Variants in AEBP2 observed in about 807,000 individuals in gnomAD.
AEBP2 encodes AE binding protein 2, also known as zinc finger protein AEBP2.
A neutral mutation model predicts 50.8 loss-of-function variants in AEBP2; 10 were observed. That is an observed-to-expected ratio of 0.20 (90% CI 0.12 to 0.33). The LOEUF (loss-of-function observed/expected upper bound fraction) is 0.33. Ranked by LOEUF, AEBP2 falls within the 10% of genes least tolerant of loss-of-function variation. The pLI is 1.00. For synonymous variants in AEBP2, 296 were observed against 261.3 expected, an observed-to-expected ratio of 1.13 and a Z score of -1.28; for missense variants, 570 against 688.0, an observed-to-expected ratio of 0.83 and a Z score of 1.92.
intron 3 of AEBP2, among the ~76,000 whole-genome samples, chr12:19,487,589 G>T (rs1381343769): frequency 6.6e-6 from 1 of 152,090 alleles, no homozygotes; most frequent in African/African-American, 2.4e-5. Flanking sequence ...GTGGTGGCAT[G>T]CACCTGTAAT....
Position 19,440,583 on chromosome 12 carries a change from C to T in AEBP2, c.671+213C>T, listed in dbSNP as rs1180536865. 5.5e-6 allele frequency: 8 copies of T among 1,445,764 alleles called. No individual in the cohort carries two copies. The East Asian group carries it at 2.1e-4, about 37-fold the overall frequency. 89.6% of individuals were successfully genotyped at this position (1,445,764 alleles called of 1,614,324 possible). A position where few individuals can be genotyped will look rare whatever the true frequency, so the allele number is the denominator to read the frequency against. On this transcript the variant is annotated intron_variant, in intron 1 of 7. Coordinates refer to ENST00000266508, the MANE Select transcript of AEBP2 (RefSeq NM_153207.5). ...CAACTCTCAAACCGTTCCCCCCCAA[C>T]TCTCCTTTCCCCGCCCTCTTTCCCC... is the stretch of plus-strand genomic sequence containing the variant.
chr12:19,522,110 T>G lies in AEBP2; in HGVS notation c.*3993T>G, dbSNP rs1949406644. The G allele has an allele frequency of 1.3e-5, 2 of 152,230 alleles. No individual in the cohort carries two copies. Among genetic ancestry groups the G allele is most frequent in the South Asian group, 4.1e-4 (2 of 4,826 alleles). The allele number at this position is 152,230 out of a possible 1,614,324, so 9.4% of individuals were successfully genotyped here. ...AAGTGGACATTTTGGGGATTTTGGTTAAAACATATTTCTCTATTCTAAAAA... is the reference window on the plus strand; with the variant it reads ...AAGTGGACATTTTGGGGATTTTGGTGAAAACATATTTCTCTATTCTAAAAA... On this transcript the variant is annotated 3_prime_UTR_variant, in exon 8 of 8. Coordinates refer to ENST00000266508, the MANE Select transcript of AEBP2 (RefSeq NM_153207.5).
intron 5 of AEBP2, among the ~76,000 whole-genome samples, chr12:19,501,803 T>TTTTTG (rs1949084842): frequency 1.4e-5 from 2 of 144,042 alleles, no homozygotes; most frequent in African/African-American, 2.5e-5. Flanking sequence ...GTTTGTTTTT[T>TTTTTG]TTTTTTTTTT....
intron 2 of AEBP2, among the ~76,000 whole-genome samples, chr12:19,470,308 C>T (rs1358562888): frequency 1.3e-5 from 2 of 152,112 alleles, no homozygotes; most frequent in South Asian, 2.1e-4. Context: ...CAGGCATGTG[C>T]CACCACACTC....
intron 5 of AEBP2, among the ~76,000 whole-genome samples, chr12:19,506,345 T>C (rs1465501016): frequency 6.6e-6 from 1 of 151,792 alleles, no homozygotes; most frequent in Non-Finnish European, 1.5e-5. Flanking sequence ...AGTGATCCAC[T>C]CACCTTGGCC....
rs57671944 is a variant in AEBP2 at position 19,518,238 on chromosome 12, T to TA, written c.*124dup. On this transcript the variant is annotated 3_prime_UTR_variant, in exon 8 of 8. Transcript: ENST00000266508. Reference sequence around the variant, plus strand: ...CCCTTCTTTTTTTTTTTTTTTTTTTTAAATCCAGTATTTAGGATAATATTT... The same window carrying TA: ...CCCTTCTTTTTTTTTTTTTTTTTTTTAAAATCCAGTATTTAGGATAATATTT... 21 of 1,234,084 alleles carry TA rather than the reference T, an allele frequency of 1.7e-5. No individual in the cohort carries two copies. Among genetic ancestry groups the TA allele is most frequent in the East Asian group, 6.2e-5 (2 of 32,182 alleles). 76.4% of individuals were successfully genotyped at this position (1,234,084 alleles called of 1,614,324 possible). A position where few individuals can be genotyped will look rare whatever the true frequency, so the allele number is the denominator to read the frequency against.
chr12:19,404,631 A>G (rs1030968683), intron 1 of AEBP2, among the ~76,000 whole-genome samples: 1 of 152,202 alleles, frequency 6.6e-6, no homozygotes, highest in African/African-American at 2.4e-5. Flanking sequence ...CAAGGTTTCA[A>G]AGATTTTCTG....
At chr12:19,431,459 C>T (rs962512425) in intron 1 of AEBP2, among the ~76,000 whole-genome samples, 3 of 152,036 alleles carry the variant, frequency 2.0e-5, no homozygotes, top group Admixed American at 6.6e-5. Flanking sequence ...CACGAAAAGA[C>T]AAAAAATGTG....
At chr12:19,435,955 C>A (rs1454533494), upstream of AEBP2, among the ~76,000 whole-genome samples, 2 of 152,142 alleles carry the variant, frequency 1.3e-5, no homozygotes, top group Non-Finnish European at 1.5e-5. Context: ...CAGCGACTCG[C>A]ATCGTGAATA....
chr12:19,446,626 G>A (rs1320143419), intron 1 of AEBP2, among the ~76,000 whole-genome samples: 1 of 151,976 alleles, frequency 6.6e-6, no homozygotes, highest in South Asian at 2.1e-4. Flanking sequence ...CAGCTACTTG[G>A]GAGACTGAGG....
At chr12:19,460,599 A>C (rs1396482850) in intron 1 of AEBP2, among the ~76,000 whole-genome samples, 1 of 149,798 alleles carries the variant, frequency 6.7e-6, no homozygotes, top group Non-Finnish European at 1.5e-5. Context: ...TGATCCACCC[A>C]CCTCGGCCTC....
upstream of AEBP2, among the ~76,000 whole-genome samples, chr12:19,437,531 CAG>C (rs1236728970): frequency 6.6e-6 from 1 of 151,954 alleles, no homozygotes; most frequent in Non-Finnish European, 1.5e-5. Context: ...GCCGTAGAGA[CAG>C]GGTCTCGCTA....
intron 1 of AEBP2, chr12:19,413,037 G>T: frequency 2.2e-6 from 1 of 460,770 alleles, no homozygotes; most frequent in South Asian, 2.0e-5. Flanking sequence ...GCCTGGAGCG[G>T]GCTCGTCCTG....
intron 4 of AEBP2, among the ~76,000 whole-genome samples, chr12:19,496,664 C>CTTTTTT (rs771598222): frequency 7.0e-6 from 1 of 142,926 alleles, no homozygotes; most frequent in Admixed American, 7.1e-5. Context: ...TTTTTTTAAC[C>CTTTTTT]TTTTTTTTTT....
At position 19,460,696 on chromosome 12, in the gene AEBP2, C is replaced by A. The variant is rs573544070; in HGVS notation, c.672-1814C>A. Among the ~76,000 whole-genome samples the A allele has an allele frequency of 2.0e-5, 3 of 148,750 alleles. No individual in the cohort carries two copies. The Admixed American group carries it at 2.0e-4, about 10-fold the overall frequency. On this transcript the variant is annotated intron_variant, in intron 1 of 7. Coordinates refer to ENST00000266508, the MANE Select transcript of AEBP2 (RefSeq NM_153207.5). The stretch of plus-strand genomic sequence containing the variant: ...TTGAGACAGAGTCTAGCTCTGTCGC[C>A]CAGGTTGGAGTCCAGTGCCGCTATC...
intron 3 of AEBP2, among the ~76,000 whole-genome samples, chr12:19,492,313 A>G (rs11044608): frequency 0.052 from 7,966 of 152,236 alleles, 479 homozygotes; most frequent in East Asian, 0.19. Flanking sequence ...GAAATCACAC[A>G]CTTATACCGC....
intron 1 of AEBP2, among the ~76,000 whole-genome samples, chr12:19,425,380 CA>C (rs2095747997): frequency 6.6e-6 from 1 of 152,096 alleles, no homozygotes; most frequent in South Asian, 2.1e-4. Context: ...TGTTAAATAG[CA>C]TGATGAATAT....
chr12:19,486,438 T>G (rs1437999257), intron 3 of AEBP2, among the ~76,000 whole-genome samples: 2 of 152,104 alleles, frequency 1.3e-5, no homozygotes, highest in Non-Finnish European at 2.9e-5. Context: ...GTCACCAATG[T>G]TGGAGTACAG....
At chr12:19,451,523 C>A (rs917316386) in intron 1 of AEBP2, among the ~76,000 whole-genome samples, 1 of 152,138 alleles carries the variant, frequency 6.6e-6, no homozygotes, top group Non-Finnish European at 1.5e-5. Context: ...CAGGCTGAAA[C>A]TGTGTTCCCT....
Sources: gnomAD v4.1 joint callset for allele counts (sites outside exome capture counted in the v4.1 genomes callset) on GRCh38, gnomAD v4.1.1 for gene constraint, MANE v1.5 for transcripts, NCBI Gene and HGNC (gene_info 2026-07-23, HGNC 2026-07-21) for gene names.